The following PID1 variants were observed in gnomAD, a reference collection of about 807,000 sequenced individuals.
PID1 encodes phosphotyrosine interaction domain containing 1.
Under a neutral mutation model 19.1 loss-of-function variants are expected in PID1, and 10 were observed. The ratio of observed to expected loss-of-function variants is 0.52; its 90% CI spans 0.32 to 0.89. The LOEUF (loss-of-function observed/expected upper bound fraction) is 0.89, where lower values mean the gene tolerates loss of function less well. Ranked by LOEUF, PID1 falls within the 40% of genes least tolerant of loss-of-function variation. PID1 has a pLI of 0.03. For synonymous variants in PID1, 130 were observed against 116.0 expected, an observed-to-expected ratio of 1.12 and a Z score of -0.78; for missense variants, 248 against 285.3, an observed-to-expected ratio of 0.87 and a Z score of 0.94.
At chr2:229,110,032 C>T (rs1008600689) in intron 2 of PID1, among the ~76,000 whole-genome samples, 16 of 152,206 alleles carry the variant, frequency 1.1e-4, no homozygotes, top group Admixed American at 2.0e-4. Context: ...TTTAAGACTG[C>T]TGCCTCCTCT....
At position 229,192,854 on chromosome 2, in the gene PID1, T is replaced by C. The variant is rs569985521; in HGVS notation, c.31-36890A>G. On this transcript the variant is annotated intron_variant, in intron 1 of 2. Coordinates refer to ENST00000392055, the MANE Select transcript of PID1 (RefSeq NM_001100818.2). ...TTCTCTTTTATAACCAAAAAAAAAG[T>C]TGAGAGAAACAAGGTAATTTGCTCT... 7.2e-5 allele frequency among the ~76,000 whole-genome samples: 11 copies of C among 152,296 alleles called. No homozygotes were observed. The East Asian group carries it at 2.1e-3, about 29-fold the overall frequency.
At chr2:229,081,168 C>T (rs115511975) in intron 2 of PID1, among the ~76,000 whole-genome samples, 41 of 152,248 alleles carry the variant, frequency 2.7e-4, no homozygotes, top group African/African-American at 9.6e-4. Flanking sequence ...AGAGCCTCTC[C>T]CTGTTTATTA....
chr2:229,103,483 A>T (rs1695113600), intron 2 of PID1, among the ~76,000 whole-genome samples: 1 of 152,220 alleles, frequency 6.6e-6, no homozygotes, highest in Non-Finnish European at 1.5e-5. Context: ...GTGTGCAAGA[A>T]ATAAAGACTC....
At chr2:229,182,408 A>G (rs1312793369) in intron 1 of PID1, among the ~76,000 whole-genome samples, 2 of 149,890 alleles carry the variant, frequency 1.3e-5, no homozygotes, top group East Asian at 3.9e-4. Context: ...ATATTTTTTA[A>G]AGTATTAAAA....
chr2:229,107,817 T>C (rs1695209828), intron 2 of PID1, among the ~76,000 whole-genome samples: 1 of 152,218 alleles, frequency 6.6e-6, no homozygotes, highest in Non-Finnish European at 1.5e-5. Context: ...TGGAAGCTTG[T>C]TAGAAAATGC....
Position 229,028,081 on chromosome 2 carries a change from G to A in PID1, c.178-1973C>T, listed in dbSNP as rs554203207. On this transcript the variant is annotated intron_variant, in intron 2 of 2. Transcript: ENST00000392055. Reference sequence around the variant, plus strand: ...ACAGAGGCAGTGGGAAAGGACAGGAGGAGGCAGAGGGAATAATATTGCAGG... The same window carrying A: ...ACAGAGGCAGTGGGAAAGGACAGGAAGAGGCAGAGGGAATAATATTGCAGG... Among the ~76,000 whole-genome samples the A allele has an allele frequency of 4.6e-5, 7 of 152,312 alleles. No homozygotes were observed. The South Asian group carries it at 8.3e-4, about 18-fold the overall frequency.
chr2:229,144,619 G>A (rs1383023429), intron 2 of PID1, among the ~76,000 whole-genome samples: 2 of 152,140 alleles, frequency 1.3e-5, no homozygotes, highest in Non-Finnish European at 2.9e-5. Context: ...ACGGAGGAAA[G>A]AGAGTGAGTA....
intron 2 of PID1, among the ~76,000 whole-genome samples, chr2:229,055,447 G>T (rs556813635): frequency 6.5e-4 from 99 of 152,254 alleles, no homozygotes; most frequent in Admixed American, 3.1e-3. Flanking sequence ...AAAACTAAAA[G>T]ATAAGCAGAG....
chr2:229,191,136 C>T (rs930888936), intron 1 of PID1, among the ~76,000 whole-genome samples: 3 of 152,100 alleles, frequency 2.0e-5, no homozygotes, highest in African/African-American at 4.8e-5. Context: ...GTTGAGGGAC[C>T]GTCCTGGATG....
intron 1 of PID1, among the ~76,000 whole-genome samples, chr2:229,198,401 C>G (rs1691423581): frequency 6.6e-6 from 1 of 152,030 alleles, no homozygotes; most frequent in African/African-American, 2.4e-5. Context: ...CACACTCTCT[C>G]CTGATCTATG....
At chr2:229,164,814 T>C (rs1367586971) in intron 1 of PID1, among the ~76,000 whole-genome samples, 1 of 152,076 alleles carries the variant, frequency 6.6e-6, no homozygotes, top group Non-Finnish European at 1.5e-5. Context: ...TGCAGCGGAA[T>C]CCCTGAGCTA....
chr2:229,230,904 ATTTG>A (rs1266225483), intron 1 of PID1, among the ~76,000 whole-genome samples: 1 of 152,196 alleles, frequency 6.6e-6, no homozygotes. Flanking sequence ...ATTTCTCTTG[ATTTG>A]TTTCTTTATT....
At chr2:229,203,238 G>T (rs1691536106) in intron 1 of PID1, among the ~76,000 whole-genome samples, 1 of 152,064 alleles carries the variant, frequency 6.6e-6, no homozygotes, top group African/African-American at 2.4e-5. Context: ...CAAAGTAATA[G>T]GATCAGTGTT....
At chr2:229,162,261 C>T (rs184296214) in intron 1 of PID1, among the ~76,000 whole-genome samples, 189 of 152,240 alleles carry the variant, frequency 1.2e-3, no homozygotes, top group Non-Finnish European at 3.8e-4. Flanking sequence ...TTACAGTTGG[C>T]GCTGCTTCCT....
Position 229,031,356 on chromosome 2 carries a change from A to G in PID1, c.178-5248T>C, listed in dbSNP as rs183686097. Among the ~76,000 whole-genome samples, 688 of 151,874 alleles carry G rather than the reference A, an allele frequency of 4.5e-3. 8 individuals carry two copies. The highest frequency in any genetic ancestry group is 0.016 in the African/African-American group (667 of 41,402). Reference sequence around the variant, plus strand: ...GTGGATCACTTGAGGTCAGGAGTTCAAGACCAGCCTGGCCAACATGGTGAA... The same window carrying G: ...GTGGATCACTTGAGGTCAGGAGTTCGAGACCAGCCTGGCCAACATGGTGAA... On this transcript the variant is annotated intron_variant, in intron 2 of 2. Coordinates refer to ENST00000392055, the MANE Select transcript of PID1 (RefSeq NM_001100818.2).
At chr2:229,087,980 C>A (rs1318144951) in intron 2 of PID1, among the ~76,000 whole-genome samples, 1 of 152,130 alleles carries the variant, frequency 6.6e-6, no homozygotes, top group Non-Finnish European at 1.5e-5. Flanking sequence ...GCACCCCCCA[C>A]ACACAAACAC....
At chr2:229,106,456 C>T (rs929146728) in intron 2 of PID1, among the ~76,000 whole-genome samples, 1 of 152,114 alleles carries the variant, frequency 6.6e-6, no homozygotes, top group African/African-American at 2.4e-5. Context: ...TTTTATCTCT[C>T]CCAAATTCAT....
intron 1 of PID1, among the ~76,000 whole-genome samples, chr2:229,198,794 C>A (rs1229994571): frequency 1.3e-5 from 2 of 152,016 alleles, no homozygotes; most frequent in Non-Finnish European, 2.9e-5. Context: ...CATGCTATAG[C>A]CATAATCTCG....
At chr2:229,052,084 A>G (rs1167889757) in intron 2 of PID1, among the ~76,000 whole-genome samples, 1 of 152,198 alleles carries the variant, frequency 6.6e-6, no homozygotes, top group African/African-American at 2.4e-5. Flanking sequence ...TCCAGGGGAC[A>G]TTGGATAGTT....
Sources: allele counts gnomAD v4.1 joint callset (sites outside exome capture counted in the v4.1 genomes callset), GRCh38; gene constraint gnomAD v4.1.1; transcripts MANE v1.5; gene names NCBI Gene and HGNC (gene_info 2026-07-23, HGNC 2026-07-21).